NPSR1: variants seen among roughly 807,000 people sequenced by gnomAD.
NPSR1 encodes the protein neuropeptide S receptor.
Under a neutral mutation model 46.9 loss-of-function variants are expected in NPSR1, and 48 were observed. That is an observed-to-expected ratio of 1.02 (90% CI 0.81 to 1.30). The LOEUF is 1.30. NPSR1 is among the 50% of genes most tolerant of loss of function. NPSR1 has a pLI of 0.00. For missense variants in NPSR1, 450 were observed against 449.5 expected (o/e 1.00, Z -0.01); for synonymous variants, 176 against 168.1 (o/e 1.05, Z -0.36).
At chr7:34,854,908 A>C (rs1370165031), downstream of NPSR1, among the ~76,000 whole-genome samples, 1 of 152,184 alleles carries the variant, frequency 6.6e-6, no homozygotes, top group Non-Finnish European at 1.5e-5. Flanking sequence ...AAGCTTCAAC[A>C]CTTCCACGAG....
chr7:34,790,680 CTA>C (rs896846330), intron 3 of NPSR1, among the ~76,000 whole-genome samples: 4 of 106,416 alleles, frequency 3.8e-5, no homozygotes, highest in African/African-American at 7.1e-5. Flanking sequence ...GTTATATGTT[CTA>C]TGTTATATAT....
intron 4 of NPSR1, among the ~76,000 whole-genome samples, chr7:34,816,241 AGC>A (rs1789250113): frequency 7.7e-6 from 1 of 129,080 alleles, no homozygotes; most frequent in African/African-American, 3.0e-5. Flanking sequence ...GAAAATGGAA[AGC>A]AAAAAAAAGC....
chr7:34,720,991 A>C lies in NPSR1; in HGVS notation c.280+36307A>C, dbSNP rs563114362. On this transcript the variant is annotated intron_variant, in intron 2 of 8. Transcript: ENST00000360581. ...AAAGAAAAGGATATCTCTGAAAAAA[A>C]AATTATGTATATGTAAATACCTTAG... 3.3e-5 allele frequency among the ~76,000 whole-genome samples: 5 copies of C among 152,346 alleles called. No individual in the cohort carries two copies. In the East Asian group the frequency reaches 7.7e-4, roughly 24 times the overall value.
intron 3 of NPSR1, among the ~76,000 whole-genome samples, chr7:34,784,040 G>A (rs1374143552): frequency 2.0e-5 from 3 of 152,032 alleles, no homozygotes; most frequent in Non-Finnish European, 4.4e-5. Flanking sequence ...AAAAAAAAGA[G>A]CGAGCTAATT....
At chr7:34,788,493 A>C (rs77686171) in intron 3 of NPSR1, among the ~76,000 whole-genome samples, 1 of 152,256 alleles carries the variant, frequency 6.6e-6, no homozygotes, top group Non-Finnish European at 1.5e-5. Flanking sequence ...AGTGGAAACC[A>C]AAATAGATGA....
chr7:34,680,277 A>C (rs1012641982), intron 1 of NPSR1, among the ~76,000 whole-genome samples: 1 of 152,194 alleles, frequency 6.6e-6, no homozygotes, highest in African/African-American at 2.4e-5. Flanking sequence ...AAGATTAGTG[A>C]AACAATTTAT....
intron 2 of NPSR1, among the ~76,000 whole-genome samples, chr7:34,745,479 A>T (rs1785155254): frequency 6.6e-6 from 1 of 152,072 alleles, no homozygotes; most frequent in South Asian, 2.1e-4. Context: ...TCTTTCATCA[A>T]ACTTGCAATT....
At chr7:34,792,691 ATATATATACG>A (rs1231655514) in intron 3 of NPSR1, among the ~76,000 whole-genome samples, 1 of 95,668 alleles carries the variant, frequency 1.0e-5, no homozygotes, top group Admixed American at 1.2e-4. Flanking sequence ...ATATATATGT[ATATATATACG>A]TATATATATA....
intron 2 of NPSR1, among the ~76,000 whole-genome samples, chr7:34,704,749 G>A (rs1490308147): frequency 6.6e-6 from 1 of 152,184 alleles, no homozygotes; most frequent in East Asian, 1.9e-4. Context: ...GAGGCTGCTG[G>A]CCTAGGGAAG....
chr7:34,716,891 C>T (rs1005190150), intron 2 of NPSR1, among the ~76,000 whole-genome samples: 6 of 152,088 alleles, frequency 3.9e-5, no homozygotes, highest in African/African-American at 1.4e-4. Context: ...TGCACCAAGA[C>T]CAGAGTGTCA....
intron 4 of NPSR1, among the ~76,000 whole-genome samples, chr7:34,812,334 A>G (rs1240282531): frequency 6.6e-6 from 1 of 152,204 alleles, no homozygotes; most frequent in Non-Finnish European, 1.5e-5. Context: ...GGGAAAAAAA[A>G]ATAAGGAAAC....
chr7:34,802,940 T>G lies in NPSR1; in HGVS notation c.385-8830T>G, dbSNP rs568796496. On this transcript the variant is annotated intron_variant, in intron 3 of 8. Transcript: ENST00000360581. ...CAGACACTTCTCAAAAGAAGTCATT[T>G]ATGCAGGCAAAAAACACATGAAAAA... Among the ~76,000 whole-genome samples, 29 of 150,628 alleles carry G rather than the reference T, an allele frequency of 1.9e-4. 1 individual carries two copies. The highest frequency in any genetic ancestry group is 3.1e-4 in the Non-Finnish European group (21 of 68,032).
chr7:34,771,128 C>G (rs549592939), intron 2 of NPSR1, among the ~76,000 whole-genome samples: 12 of 152,236 alleles, frequency 7.9e-5, no homozygotes, highest in Admixed American at 7.9e-4. Flanking sequence ...CAGCTTTATT[C>G]TGTTAACAGT....
chr7:34,815,290 G>A (rs1789189361), intron 4 of NPSR1, among the ~76,000 whole-genome samples: 1 of 152,148 alleles, frequency 6.6e-6, no homozygotes, highest in Non-Finnish European at 1.5e-5. Context: ...AGCTTCAATA[G>A]CCAATTCAAT....
chr7:34,828,758 A>G (rs1408253830), intron 5 of NPSR1, among the ~76,000 whole-genome samples: 1 of 152,232 alleles, frequency 6.6e-6, no homozygotes, highest in Non-Finnish European at 1.5e-5. Flanking sequence ...TGGAATTACT[A>G]GATCAAAGGT....
intron 2 of NPSR1, among the ~76,000 whole-genome samples, chr7:34,735,560 TG>T (rs1454232081): frequency 1.3e-5 from 2 of 152,200 alleles, no homozygotes; most frequent in African/African-American, 4.8e-5. Flanking sequence ...ATATAAGAGC[TG>T]AAAATGTGAG....
rs1554336128 is a variant in NPSR1 at position 34,823,399 on chromosome 7, G to GAAAAAGAAAAAAAAAAAA, written c.479-3997_479-3996insGAAAAAAAAAAAAAAAAA. On this transcript the variant is annotated intron_variant, in intron 4 of 8. Transcript: ENST00000360581. ...TTGGCAACAGAGCAAGACTTCACCA[G>GAAAAAGAAAAAAAAAAAA]AAAAAAAAAAAAAAAAACAACACCA... 3.7e-4 allele frequency among the ~76,000 whole-genome samples: 25 copies of GAAAAAGAAAAAAAAAAAA among 68,234 alleles called. 1 individual carries two copies. Among genetic ancestry groups the GAAAAAGAAAAAAAAAAAA allele is most frequent in the African/African-American group, 1.2e-3 (23 of 19,536 alleles). 44.8% of individuals were successfully genotyped at this position (68,234 alleles called of 152,430 possible).
chr7:34,716,523 T>C, intron 2 of NPSR1, among the ~76,000 whole-genome samples: 1 of 152,200 alleles, frequency 6.6e-6, no homozygotes, highest in East Asian at 1.9e-4. Context: ...TCTGCTTCAA[T>C]TATTTCATCT....
chr7:34,830,202 C>A (rs1471425785), intron 5 of NPSR1, among the ~76,000 whole-genome samples: 2 of 151,840 alleles, frequency 1.3e-5, no homozygotes, highest in African/African-American at 4.9e-5. Context: ...TACCTATATT[C>A]TGGCCCCCTG....
Sources: allele counts gnomAD v4.1 joint callset (sites outside exome capture counted in the v4.1 genomes callset), GRCh38; gene constraint gnomAD v4.1.1; transcripts MANE v1.5; gene names NCBI Gene and HGNC (gene_info 2026-07-23, HGNC 2026-07-21).